The following ANKRD44 variants were observed in gnomAD, a reference collection of about 807,000 sequenced individuals.
The protein encoded by ANKRD44 is ankyrin repeat domain 44.
Under a neutral mutation model 116.0 loss-of-function variants are expected in ANKRD44, and 35 were observed. The observed-to-expected ratio is 0.30, with a 90% CI of 0.23 to 0.40. ANKRD44 has a LOEUF of 0.40. Ranked by LOEUF, ANKRD44 falls within the 10% of genes least tolerant of loss-of-function variation. The pLI, the probability that ANKRD44 is intolerant of heterozygous loss-of-function variation, is 1.00. For missense variants in ANKRD44, 1,014 were observed against 1,242.6 expected (o/e 0.82, Z 2.77); for synonymous variants, 435 against 461.8 (o/e 0.94, Z 0.74).
At chr2:197,086,556 G>A (rs933205065) in intron 13 of ANKRD44, 124 bp downstream of exon 13, 19 of 820,508 alleles carry the variant, frequency 2.3e-5, no homozygotes, top group South Asian at 1.0e-4. Flanking sequence ...ACTTCCTTCC[G>A]AGGAGGATGG....
intron 10 of ANKRD44, among the ~76,000 whole-genome samples, chr2:197,091,341 G>A (rs2125182462): frequency 6.6e-6 from 1 of 152,324 alleles, no homozygotes; most frequent in Admixed American, 6.5e-5. Context: ...GGAGTTGAGA[G>A]TGGCAGGCTG....
Position 197,180,395 on chromosome 2 carries a change from C to A in ANKRD44, c.111+6628G>T, listed in dbSNP as rs77490641. ...AAAAGCCTGGGCCACACTGCACCTGCATTCCTGCAGGGTGCTTGATGAGAG... is the reference window on the plus strand; with the variant it reads ...AAAAGCCTGGGCCACACTGCACCTGAATTCCTGCAGGGTGCTTGATGAGAG... On this transcript the variant is annotated intron_variant, in intron 2 of 27. Coordinates refer to ENST00000282272, the MANE Select transcript of ANKRD44 (RefSeq NM_001195144.2). 5.0e-3 allele frequency among the ~76,000 whole-genome samples: 760 copies of A among 152,326 alleles called. 5 individuals are homozygous for A. The highest frequency in any genetic ancestry group is 0.017 in the African/African-American group (717 of 41,576).
At chr2:197,121,023 G>A (rs567135727) in intron 8 of ANKRD44, among the ~76,000 whole-genome samples, 3 of 150,756 alleles carry the variant, frequency 2.0e-5, no homozygotes, top group East Asian at 2.0e-4. Context: ...TCTGTCTCCC[G>A]GGTTTAAGCA....
intron 8 of ANKRD44, among the ~76,000 whole-genome samples, chr2:197,118,122 A>G (rs1236409823): frequency 6.6e-6 from 1 of 151,248 alleles, no homozygotes; most frequent in Non-Finnish European, 1.5e-5. Flanking sequence ...CTGAGGCCAG[A>G]GGATGGCTTG....
chr2:197,135,526 C>A (rs10191006), intron 4 of ANKRD44: 17,515 of 152,238 alleles, frequency 0.12, 1,147 homozygotes, highest in Middle Eastern at 0.14. Context: ...TGATCATCCT[C>A]CCTGTCCCTG....
intron 16 of ANKRD44, among the ~76,000 whole-genome samples, chr2:197,062,558 G>T (rs993789181): frequency 1.3e-5 from 2 of 152,310 alleles, no homozygotes; most frequent in East Asian, 3.9e-4. Context: ...GAAGCGCAAG[G>T]GGTCAGGGAA....
chr2:197,092,909 CT>C (rs2078075384), intron 10 of ANKRD44, among the ~76,000 whole-genome samples: 1 of 151,808 alleles, frequency 6.6e-6, no homozygotes, highest in Non-Finnish European at 1.5e-5. Context: ...GCACTTAAAG[CT>C]AATGTGATTT....
rs187669294 is a variant in ANKRD44 at position 197,175,909 on chromosome 2, A to G, written c.111+11114T>C. On this transcript the variant is annotated intron_variant, in intron 2 of 27. Transcript: ENST00000282272. ...TTACCCCAACATCTCTCTTGCTTTC[A>G]TAATAGGAACCCTGATTTTTAGGTT... Among the ~76,000 whole-genome samples, 16 of 142,366 alleles carry G rather than the reference A, an allele frequency of 1.1e-4. No homozygotes were observed. The East Asian group carries it at 3.1e-3, about 27-fold the overall frequency. 93.4% of individuals were successfully genotyped at this position (142,366 alleles called of 152,430 possible).
chr2:197,256,579 CT>C (rs2082453338), intron 1 of ANKRD44, among the ~76,000 whole-genome samples: 1 of 152,168 alleles, frequency 6.6e-6, no homozygotes, highest in Admixed American at 6.5e-5. Flanking sequence ...TGTCATGAAC[CT>C]GAAGTTAAAC....
At chr2:197,170,357 G>T (rs1290286663) in intron 2 of ANKRD44, among the ~76,000 whole-genome samples, 2 of 152,192 alleles carry the variant, frequency 1.3e-5, no homozygotes, top group African/African-American at 4.8e-5. Flanking sequence ...ATTTGTGGTA[G>T]AAGTGCTTCC....
chr2:196,980,031 T>C (rs1337871728), intron 21 of ANKRD44, among the ~76,000 whole-genome samples: 2 of 152,220 alleles, frequency 1.3e-5, no homozygotes, highest in African/African-American at 2.4e-5. Context: ...TTCTTATCTC[T>C]AGGAACTATT....
chr2:197,294,387 T>C (rs2083657363), intron 1 of ANKRD44, among the ~76,000 whole-genome samples: 1 of 140,968 alleles, frequency 7.1e-6, no homozygotes, highest in Admixed American at 7.4e-5. Flanking sequence ...TGACCTCCTT[T>C]CTGGCCTCGC....
In ANKRD44 at chr2:197,099,892, G is replaced by A. The variant is rs61763059; in HGVS notation, c.1024C>T (p.Pro342Ser). 1 of 1,614,154 alleles carries A rather than the reference G, an allele frequency of 6.2e-7. No homozygotes were observed. Among genetic ancestry groups the A allele is most frequent in the Non-Finnish European group, 8.5e-7 (1 of 1,180,020 alleles). Residue 342 changes from proline to serine, a missense_variant, in exon 10 of 28, where the codon CCT becomes TCT. By Grantham distance (74) the Pro-to-Ser change is moderately conservative (BLOSUM62 -1). Coordinates refer to ENST00000282272, the MANE Select transcript of ANKRD44 (RefSeq NM_001195144.2). ...CCGTATCTTGCAGCCACATGGAGAGGAGTGTTGCCGTCCTTATCCACACAG... is the reference window on the plus strand; with the variant it reads ...CCGTATCTTGCAGCCACATGGAGAGAAGTGTTGCCGTCCTTATCCACACAG... ...IDCVDKDGNT[P>S]LHVAARYGHE...
chr2:197,214,793 G>T (rs747149871), intron 1 of ANKRD44, among the ~76,000 whole-genome samples: 14 of 152,194 alleles, frequency 9.2e-5, no homozygotes, highest in Middle Eastern at 3.2e-3. Context: ...GAATTGGAAG[G>T]TCACATATGC....
At chr2:197,139,019 T>G (rs570291249) in intron 3 of ANKRD44, among the ~76,000 whole-genome samples, 1 of 152,196 alleles carries the variant, frequency 6.6e-6, no homozygotes, top group South Asian at 2.1e-4. Context: ...AATGATAAAG[T>G]GTGACGAGGC....
chr2:197,085,921 G>T (rs1341312447), intron 13 of ANKRD44, among the ~76,000 whole-genome samples: 1 of 152,126 alleles, frequency 6.6e-6, no homozygotes, highest in African/African-American at 2.4e-5. Flanking sequence ...AGAGACACAA[G>T]GAGTGAGAGT....
At chr2:197,293,022 C>G (rs1379984901) in intron 1 of ANKRD44, among the ~76,000 whole-genome samples, 2 of 152,146 alleles carry the variant, frequency 1.3e-5, no homozygotes, top group African/African-American at 4.8e-5. Flanking sequence ...ACATATTTAT[C>G]AAGACACCAA....
At chr2:197,142,803 A>T (rs922318119) in intron 3 of ANKRD44, among the ~76,000 whole-genome samples, 1 of 152,072 alleles carries the variant, frequency 6.6e-6, no homozygotes, top group Admixed American at 6.6e-5. Context: ...ACATTTTGAA[A>T]ATTTTTGGGA....
chr2:197,284,903 AT>A (rs1015725237), intron 1 of ANKRD44, among the ~76,000 whole-genome samples: 6 of 150,650 alleles, frequency 4.0e-5, no homozygotes, highest in South Asian at 2.1e-4. Context: ...AAAAAATTAA[AT>A]TTTTTTTTAC....
Sources: allele counts gnomAD v4.1 joint callset (sites outside exome capture counted in the v4.1 genomes callset), GRCh38; gene constraint gnomAD v4.1.1; transcripts MANE v1.5; gene names NCBI Gene and HGNC (gene_info 2026-07-23, HGNC 2026-07-21).